ATAD3C: variants seen among roughly 807,000 people sequenced by gnomAD.
The protein encoded by ATAD3C is ATPase family AAA domain-containing protein 3C.
A neutral mutation model predicts 46.3 loss-of-function variants in ATAD3C; 38 were observed. That is an observed-to-expected ratio of 0.82 (90% CI 0.63 to 1.08). ATAD3C has a LOEUF of 1.08. Among genes scored for constraint, ATAD3C ranks in the 50% least tolerant of loss-of-function variants. The pLI is 0.00. For synonymous variants in ATAD3C, 220 were observed against 236.4 expected (o/e 0.93, Z 0.63); for missense variants, 563 against 572.7 (o/e 0.98, Z 0.17).
At position 1,462,613 on chromosome 1, in the gene ATAD3C, G is replaced by T; in HGVS notation, c.994G>T (p.Ala332Ser). Residue 332 changes from alanine (A) to serine (S), a missense_variant, in exon 11 of 12, where the codon GCC (alanine) becomes TCC (serine). Coordinates refer to ENST00000378785, the MANE Select transcript of ATAD3C (RefSeq NM_001039211.3). This position sits in a 1 kb window ranked among gnomAD's most constrained non-coding sequence, Gnocchi z 4.5. ...CTCCTTCCCCAGGCGTCTGAAGCTGGCCCAGTTTGACTACGGGAGGAAGTG... is the reference window on the plus strand; with the variant it reads ...CTCCTTCCCCAGGCGTCTGAAGCTGTCCCAGTTTGACTACGGGAGGAAGTG... Reference protein sequence around the residue: ...ATEGKRRLKLAQFDYGRKCLE... With the variant: ...ATEGKRRLKLSQFDYGRKCLE... 6.3e-7 allele frequency: 1 copy of T among 1,599,934 alleles called. No homozygotes were observed. The highest frequency in any genetic ancestry group is 8.5e-7 in the Non-Finnish European group (1 of 1,173,958).
chr1:1,456,921 C>G (rs1193670158), intron 7 of ATAD3C, among the ~76,000 whole-genome samples: 1 of 152,000 alleles, frequency 6.6e-6, no homozygotes, highest in Non-Finnish European at 1.5e-5. Flanking sequence ...CAGCGCTGCA[C>G]TGGGCTGAGT....
At chr1:1,461,214 T>G (rs1639059244) in intron 10 of ATAD3C, among the ~76,000 whole-genome samples, 1 of 151,818 alleles carries the variant, frequency 6.6e-6, no homozygotes, top group Admixed American at 6.6e-5. Flanking sequence ...TGAGGCGAAG[T>G]CTCGCTCTTG....
At position 1,459,632 on chromosome 1, in the gene ATAD3C, T is replaced by C. The variant is rs2649603; in HGVS notation, c.812+401T>C. Reference sequence around the variant, plus strand: ...GAGACAAGTTTGCTCCCACGGGAAGTTGGACACCAGCAGGTCCTGTGTGTC... The same window carrying C: ...GAGACAAGTTTGCTCCCACGGGAAGCTGGACACCAGCAGGTCCTGTGTGTC... On this transcript the variant is annotated intron_variant, in intron 9 of 11. Coordinates refer to ENST00000378785, the MANE Select transcript of ATAD3C (RefSeq NM_001039211.3). The surrounding 1 kb of genome is among the most constrained non-coding windows in gnomAD (Gnocchi z 4.9). Among the ~76,000 whole-genome samples the C allele has an allele frequency of 0.25, 37,321 of 150,920 alleles. 9,375 individuals carry two copies. Among genetic ancestry groups the C allele is most frequent in the East Asian group, 0.62 (3,145 of 5,112 alleles).
chr1:1,452,047 A>G lies in ATAD3C; in HGVS notation c.77A>G (p.Gln26Arg). The G allele has an allele frequency of 6.2e-7, 1 of 1,613,514 alleles. No individual in the cohort carries two copies. The highest frequency in any genetic ancestry group is 8.5e-7 in the Non-Finnish European group (1 of 1,179,588). The change falls in exon 2 of 12, where the codon CAA (glutamine) becomes CGA (arginine). Residue 26 changes from glutamine (Q) to arginine (R), a missense_variant and splice_region_variant. Physicochemically the swap from Gln to Arg is conservative, Grantham distance 43. This residue lies in a region of ATAD3C where 263 missense variants were observed against 243.1 expected (regional missense o/e 1.08). Transcript: ENST00000378785. ...TCTTTTTCTGCGGCTTCTTCTCAGC[A>G]ACTTGTCAATGAGGATTTACGGAAG... ...LQLEQQSKLK[Q>R]LVNEDLRKQE...
rs750727698 is a variant in ATAD3C, at chr1:1,452,135, G to A, written c.152+13G>A. ...TGGAGTCCATCAGGTGAGCGCTGCC[G>A]AGGCCCGGGCCGGCCGCAGATGGAG... On this transcript the variant is annotated intron_variant, in intron 2 of 11. Transcript: ENST00000378785. 24 of 1,612,640 alleles carry A rather than the reference G, an allele frequency of 1.5e-5. No homozygotes were observed. In the Admixed American group the frequency reaches 1.5e-4, roughly 10 times the overall value.
intron 3 of ATAD3C, among the ~76,000 whole-genome samples, chr1:1,454,122 G>A (rs1319661033): frequency 6.6e-6 from 1 of 152,086 alleles, no homozygotes; most frequent in Non-Finnish European, 1.5e-5. Context: ...ACCAGTTGCA[G>A]AGAAAATGGC....
intron 11 of ATAD3C, among the ~76,000 whole-genome samples, chr1:1,464,122 G>A (rs745681427): frequency 6.7e-5 from 10 of 150,116 alleles, no homozygotes; most frequent in Admixed American, 4.0e-4. Context: ...CAGGAGAATC[G>A]CTTGAACCCA....
At position 1,455,852 on chromosome 1, in the gene ATAD3C, G is replaced by C. The variant is rs201157033; in HGVS notation, c.500G>C (p.Arg167Pro). 20 of 1,613,366 alleles carry C rather than the reference G, an allele frequency of 1.2e-5. No individual in the cohort carries two copies. Among genetic ancestry groups the C allele is most frequent in the Non-Finnish European group, 1.7e-5 (20 of 1,179,708 alleles). ...AIMTRNIKKN[R>P]GLYRHILLYG... ...ATGACAAGGAACATCAAGAAGAACC[G>C]GGGCCTGTACAGGCACATCCTGCTG... The change falls in exon 6 of 12, where the codon CGG (arginine) becomes CCG (proline). Residue 167 changes from arginine to proline, a missense_variant. Physicochemically the swap from Arg to Pro is moderately radical, Grantham distance 103. This residue lies in a region of ATAD3C where 263 missense variants were observed against 243.1 expected (regional missense o/e 1.08). Transcript: ENST00000378785.
Position 1,455,495 on chromosome 1 carries a change from C to A in ATAD3C, c.414C>A (p.Asp138Glu), listed in dbSNP as rs1781147. Residue 138 changes from aspartate to glutamate, a missense_variant, in exon 5 of 12, where the codon GAC becomes GAA. Around this residue, in one of 3 missense-constraint regions of ATAD3C, gnomAD observed 263 missense variants for 243.1 expected, o/e 1.08. Coordinates refer to ENST00000378785, the MANE Select transcript of ATAD3C (RefSeq NM_001039211.3). ...GGCGGCTCCTCAGTCGACCCCAGGA[C>A]GTGCTGGAGGGTGTTGTGCTTAGTG... is the stretch of plus-strand genomic sequence containing the variant. ...VSRRLLSRPQ[D>E]VLEGVVLSPS... is the part of the protein sequence containing the mutation. 1 of 1,611,434 alleles carries A rather than the reference C, an allele frequency of 6.2e-7. No homozygotes were observed. Among genetic ancestry groups the A allele is most frequent in the East Asian group, 2.2e-5 (1 of 44,802 alleles).
intron 3 of ATAD3C, among the ~76,000 whole-genome samples, chr1:1,453,742 T>C (rs1283847313): frequency 1.3e-5 from 2 of 151,068 alleles, no homozygotes; most frequent in Non-Finnish European, 2.9e-5. Flanking sequence ...CGGGTTCAAG[T>C]GATTCTCCTG....
chr1:1,459,282 C>T lies in ATAD3C; in HGVS notation c.812+51C>T, dbSNP rs1319826473. On this transcript the variant is annotated intron_variant, in intron 9 of 11. Transcript: ENST00000378785. This position sits in a 1 kb window ranked among gnomAD's most constrained non-coding sequence, Gnocchi z 4.9. ...CCCCCGGGCAGGGCTGTGCAGCCGT[C>T]ACCCTTGGTTCCCACCGAGGGACCT... 44 of 1,603,932 alleles carry T rather than the reference C, an allele frequency of 2.7e-5. No homozygotes were observed. The highest frequency in any genetic ancestry group is 3.7e-5 in the Non-Finnish European group (44 of 1,179,658).
Position 1,468,909 on chromosome 1 carries a change from G to C in ATAD3C, c.*379G>C, listed in dbSNP as rs944765642. On this transcript the variant is annotated 3_prime_UTR_variant, in exon 12 of 12. Coordinates refer to ENST00000378785, the MANE Select transcript of ATAD3C (RefSeq NM_001039211.3). ...ACACACGGTGGAGGGAAGTGCACGC[G>C]AAACAGACACAGCGGCTTCAAATAG... 2.2e-4 allele frequency: 57 copies of C among 255,598 alleles called. 3 individuals carry two copies. In the Admixed American group the frequency reaches 2.4e-3, roughly 11 times the overall value. The allele number at this position is 255,598 out of a possible 1,614,324, so 15.8% of individuals were successfully genotyped here. A position where few individuals can be genotyped will look rare whatever the true frequency, so the allele number is the denominator to read the frequency against.
At position 1,460,864 on chromosome 1, in the gene ATAD3C, G is replaced by A. The variant is rs150798221; in HGVS notation, c.927G>A (p.Leu309=). The change falls in exon 10 of 12, where the codon CTG becomes CTA. Residue 309 remains leucine (L), a synonymous_variant. Coordinates refer to ENST00000378785, the MANE Select transcript of ATAD3C (RefSeq NM_001039211.3). ...DLPGQEERAR[L]VRMYLNEYVL... is the part of the protein sequence containing the mutation. ...CAGGGCAGGAGGAGCGGGCGCGCCTGGTGAGAATGTATCTTAACGAGTATG... is the reference window on the plus strand; with the variant it reads ...CAGGGCAGGAGGAGCGGGCGCGCCTAGTGAGAATGTATCTTAACGAGTATG... 0.011 allele frequency: 17,284 copies of A among 1,613,010 alleles called. 415 individuals carry two copies. The highest frequency in any genetic ancestry group is 0.035 in the South Asian group (3,208 of 90,918).
chr1:1,450,278 T>G lies in ATAD3C; in HGVS notation c.-406T>G. 5.8e-6 allele frequency: 1 copy of G among 173,280 alleles called. No individual in the cohort carries two copies. The highest frequency in any genetic ancestry group is 1.2e-5 in the Non-Finnish European group (1 of 85,882). The allele number at this position is 173,280 out of a possible 1,614,324, so 10.7% of individuals were successfully genotyped here. A position where few individuals can be genotyped will look rare whatever the true frequency, so the allele number is the denominator to read the frequency against. ...AGGTAGAGCTTGCAGTAAGCAGAGA[T>G]CATGCCACTGCACTCCAGCCTGGGC... On this transcript the variant is annotated 5_prime_UTR_variant, in exon 1 of 12. Coordinates refer to ENST00000378785, the MANE Select transcript of ATAD3C (RefSeq NM_001039211.3).
At position 1,467,150 on chromosome 1, in the gene ATAD3C, C is replaced by T. The variant is rs568202349; in HGVS notation, c.1090-1234C>T. Among the ~76,000 whole-genome samples, 204 of 152,156 alleles carry T rather than the reference C, an allele frequency of 1.3e-3. 5 individuals carry two copies. Among genetic ancestry groups the T allele is most frequent in the African/African-American group, 4.8e-3 (198 of 41,518 alleles). ...CCCCAGAATCCCACCCAGGAGGCCA[C>T]GTGACATTTAGCTGTCACTTCTGGT... On this transcript the variant is annotated intron_variant, in intron 11 of 11. Coordinates refer to ENST00000378785, the MANE Select transcript of ATAD3C (RefSeq NM_001039211.3).
chr1:1,453,643 A>ATT (rs70949591), intron 3 of ATAD3C, among the ~76,000 whole-genome samples: 57,424 of 142,648 alleles, frequency 0.4, 16,226 homozygotes, highest in East Asian at 0.97. Context: ...GGCATAAACC[A>ATT]TTTTTTTTTT....
chr1:1,465,161 A>G (rs1639126063), intron 11 of ATAD3C, among the ~76,000 whole-genome samples: 1 of 151,404 alleles, frequency 6.6e-6, no homozygotes, highest in African/African-American at 2.4e-5. Context: ...GCTGGGATTC[A>G]TTCAGGTGTG....
chr1:1,455,243 A>C (rs12750110), intron 4 of ATAD3C, among the ~76,000 whole-genome samples: 6 of 141,124 alleles, frequency 4.3e-5, no homozygotes, highest in Non-Finnish European at 7.6e-5. Flanking sequence ...AAAAAAAAAA[A>C]CCCAGAAAAA....
chr1:1,456,732 G>A (rs963783857), intron 7 of ATAD3C, among the ~76,000 whole-genome samples: 19 of 150,748 alleles, frequency 1.3e-4, no homozygotes, highest in Non-Finnish European at 2.7e-4. Context: ...GCTGAAGACA[G>A]CATGGCACAC....
Sources: allele counts gnomAD v4.1 joint callset (sites outside exome capture counted in the v4.1 genomes callset), GRCh38; gene constraint gnomAD v4.1.1; regional missense constraint gnomAD v4.1.1; non-coding constraint Gnocchi (gnomAD v3.1); transcripts MANE v1.5; gene names NCBI Gene and HGNC (gene_info 2026-07-23, HGNC 2026-07-21).